The following ACTR3C variants were observed in gnomAD, a reference collection of about 807,000 sequenced individuals.
The protein encoded by ACTR3C is actin related protein 3C, also known as actin-related protein 3C.
ACTR3C carries 18 observed loss-of-function variants against 26.3 expected under a neutral mutation model. The observed-to-expected ratio is 0.68, with a 90% CI of 0.47 to 1.01. The LOEUF is 1.01. Ranked by LOEUF, ACTR3C falls within the 50% of genes least tolerant of loss-of-function variation. ACTR3C has a pLI of 0.00. For missense variants in ACTR3C, 184 were observed against 250.7 expected, an observed-to-expected ratio of 0.73 and a Z score of 1.80; for synonymous variants, 55 against 94.5, an observed-to-expected ratio of 0.58 and a Z score of 2.42.
the ACTR3C span, among the ~76,000 whole-genome samples, chr7:150,198,456 C>G: frequency 7.1e-6 from 1 of 140,338 alleles, no homozygotes; most frequent in African/African-American, 2.8e-5. Context: ...TCTGCCCGGC[C>G]GCCCATCGTC....
chr7:150,151,832 A>G, the ACTR3C span, among the ~76,000 whole-genome samples: 1 of 137,824 alleles, frequency 7.3e-6, no homozygotes, highest in East Asian at 2.7e-4. Flanking sequence ...ATACATATGT[A>G]CCTAACCTGC....
chr7:150,256,033 G>A (rs1017272043), intron 6 of ACTR3C, among the ~76,000 whole-genome samples: 6 of 152,238 alleles, frequency 3.9e-5, no homozygotes, highest in African/African-American at 1.2e-4. Flanking sequence ...ATACATGAGA[G>A]TCAATTGGTT....
At chr7:149,949,791 T>C in the ACTR3C span, among the ~76,000 whole-genome samples, 1 of 147,520 alleles carries the variant, frequency 6.8e-6, no homozygotes, top group Non-Finnish European at 1.5e-5. Context: ...TCCCTGTTTT[T>C]TCAGACAGGA....
the ACTR3C span, among the ~76,000 whole-genome samples, chr7:150,207,047 T>C: frequency 2.6e-5 from 4 of 152,214 alleles, no homozygotes; most frequent in African/African-American, 9.6e-5. Flanking sequence ...GAAAATGTTA[T>C]GTAATAACTG....
the ACTR3C span, among the ~76,000 whole-genome samples, chr7:150,115,775 T>C: frequency 6.6e-6 from 1 of 152,224 alleles, no homozygotes; most frequent in Admixed American, 6.5e-5. Context: ...ATCTTTCCCT[T>C]GTACAGTGAA....
At chr7:149,977,329 G>GA in the ACTR3C span, among the ~76,000 whole-genome samples, 1 of 152,156 alleles carries the variant, frequency 6.6e-6, no homozygotes. Context: ...GGTAAACTGG[G>GA]ACCCAAGATA....
the ACTR3C span, among the ~76,000 whole-genome samples, chr7:150,176,187 T>G: frequency 1.3e-5 from 2 of 150,878 alleles, no homozygotes; most frequent in African/African-American, 5.0e-5. Context: ...ATGAATAAAA[T>G]GTTGTCTATA....
the ACTR3C span, among the ~76,000 whole-genome samples, chr7:149,942,593 C>T: frequency 6.6e-6 from 1 of 150,488 alleles, no homozygotes; most frequent in Non-Finnish European, 1.5e-5. Context: ...CAAACACACA[C>T]AAAAGGTTAG....
At chr7:149,926,430 G>A in the ACTR3C span, among the ~76,000 whole-genome samples, 1 of 152,202 alleles carries the variant, frequency 6.6e-6, no homozygotes, top group Non-Finnish European at 1.5e-5. Flanking sequence ...GGCAAACAAC[G>A]TGGTTTATGC....
At chr7:150,074,150 A>G in the ACTR3C span, 7 of 152,172 alleles carry the variant, frequency 4.6e-5, no homozygotes, top group Admixed American at 2.0e-4. Context: ...CTTGAGCTAC[A>G]TGTTCTAGAA....
intron 6 of ACTR3C, among the ~76,000 whole-genome samples, chr7:150,252,524 C>T (rs1486611352): frequency 6.6e-6 from 1 of 152,050 alleles, no homozygotes; most frequent in Non-Finnish European, 1.5e-5. Flanking sequence ...AGGAAGAATA[C>T]ATGATACTAA....
intron 1 of ACTR3C, among the ~76,000 whole-genome samples, chr7:150,308,736 C>T (rs1796027784): frequency 6.6e-6 from 1 of 152,088 alleles, no homozygotes; most frequent in Admixed American, 6.6e-5. Context: ...CTATCACCTC[C>T]CCTCCTCACA....
chr7:150,017,224 C>T, the ACTR3C span, among the ~76,000 whole-genome samples: 101 of 151,862 alleles, frequency 6.7e-4, 5 homozygotes, highest in South Asian at 0.02. Context: ...ATAACATGTT[C>T]CACTTCTGGC....
At chr7:150,183,090 G>A in the ACTR3C span, among the ~76,000 whole-genome samples, 29 of 150,794 alleles carry the variant, frequency 1.9e-4, no homozygotes, top group Non-Finnish European at 4.1e-4. Context: ...TATTATGTTT[G>A]TTGATGAACT....
At chr7:150,219,754 A>G in the ACTR3C span, among the ~76,000 whole-genome samples, 1 of 144,378 alleles carries the variant, frequency 6.9e-6, no homozygotes, top group East Asian at 1.9e-4. Context: ...TCGCTCCATT[A>G]AAGTTAATGA....
At chr7:150,130,550 C>T in the ACTR3C span, among the ~76,000 whole-genome samples, 1 of 152,158 alleles carries the variant, frequency 6.6e-6, no homozygotes, top group Non-Finnish European at 1.5e-5. Flanking sequence ...AATAAATACA[C>T]AAAAAGATAC....
the ACTR3C span, among the ~76,000 whole-genome samples, chr7:150,215,572 C>T: frequency 6.6e-6 from 1 of 152,152 alleles, no homozygotes; most frequent in Non-Finnish European, 1.5e-5. Flanking sequence ...GCAAAGAATC[C>T]GTTGAGGTTC....
the ACTR3C span, chr7:150,001,464 AT>A: frequency 6.6e-6 from 1 of 152,288 alleles, no homozygotes; most frequent in Non-Finnish European, 1.5e-5. Context: ...ACATCCCCAA[AT>A]TTCTGCCACG....
chr7:150,037,111 G>T, the ACTR3C span, among the ~76,000 whole-genome samples: 2 of 104,968 alleles, frequency 1.9e-5, no homozygotes, highest in African/African-American at 3.3e-5. Flanking sequence ...GAGCCAGGGG[G>T]GGAAGAGGGA....
Sources: gnomAD v4.1 joint callset for allele counts (sites outside exome capture counted in the v4.1 genomes callset) on GRCh38, gnomAD v4.1.1 for gene constraint, MANE v1.5 for transcripts, NCBI Gene and HGNC (gene_info 2026-07-23, HGNC 2026-07-21) for gene names.